The following ATP6V0A4 variants were observed in gnomAD, a reference collection of about 807,000 sequenced individuals.
ATP6V0A4 encodes V-type proton ATPase 116 kDa subunit a 4.
Under a neutral mutation model 107.3 loss-of-function variants are expected in ATP6V0A4, and 86 were observed. That is an observed-to-expected ratio of 0.80 (90% CI 0.67 to 0.96). ATP6V0A4 has a LOEUF of 0.96. Ranked by LOEUF, ATP6V0A4 falls within the 40% of genes least tolerant of loss-of-function variation. The probability of loss-of-function intolerance (pLI) is 0.00; values close to 1 mark genes in which losing one functional copy is unlikely to be tolerated. For synonymous variants in ATP6V0A4, 353 were observed against 381.4 expected (o/e 0.93, Z 0.87); for missense variants, 908 against 1,045.6 (o/e 0.87, Z 1.81).
intron 8 of ATP6V0A4, among the ~76,000 whole-genome samples, chr7:138,758,628 G>A (rs981027450): frequency 7.3e-5 from 11 of 151,260 alleles, no homozygotes; most frequent in African/African-American, 2.4e-4. Flanking sequence ...GAGCCCCCTT[G>A]AAGCCTTGTT....
At chr7:138,755,317 C>T (rs1007424575) in intron 10 of ATP6V0A4, among the ~76,000 whole-genome samples, 2 of 152,156 alleles carry the variant, frequency 1.3e-5, no homozygotes, top group African/African-American at 4.8e-5. Context: ...CCAGGCAATT[C>T]AGTGGGAAAA....
chr7:138,763,036 A>G lies in ATP6V0A4; in HGVS notation c.292-11T>C. ...TTTTTCTAGAACAGTCTATGCAGGA[A>G]GGAAAAAGAAGGTAAGCCAACAGAA... On this transcript the variant is annotated splice_polypyrimidine_tract_variant and intron_variant, in intron 5 of 21. Transcript: ENST00000310018. 2 of 1,614,044 alleles carry G rather than the reference A, an allele frequency of 1.2e-6. No homozygotes were observed. The highest frequency in any genetic ancestry group is 1.7e-6 in the Non-Finnish European group (2 of 1,179,998).
At chr7:138,744,121 G>T (rs780488838) in intron 14 of ATP6V0A4, among the ~76,000 whole-genome samples, 31 of 152,068 alleles carry the variant, frequency 2.0e-4, no homozygotes, top group Non-Finnish European at 4.0e-4. Context: ...GAGCTTCCAG[G>T]TCTCTCTATT....
intron 20 of ATP6V0A4, among the ~76,000 whole-genome samples, chr7:138,714,559 TAGAC>T (rs58118736): frequency 0.37 from 54,289 of 148,444 alleles, 9,953 homozygotes; most frequent in East Asian, 0.41. Flanking sequence ...GATAGATAGA[TAGAC>T]AGACAGACAG....
chr7:138,712,762 T>C (rs1332668414), intron 20 of ATP6V0A4, among the ~76,000 whole-genome samples: 1 of 149,304 alleles, frequency 6.7e-6, no homozygotes, highest in Non-Finnish European at 1.5e-5. Context: ...AGTGTGTGTA[T>C]GGGCTGGCCA....
Position 138,733,950 on chromosome 7 carries a change from G to A in ATP6V0A4, c.1691+186C>T, listed in dbSNP as rs765278136. Among the ~76,000 whole-genome samples, 3 of 152,174 alleles carry A rather than the reference G, an allele frequency of 2.0e-5. No homozygotes were observed. The South Asian group carries it at 6.2e-4, about 32-fold the overall frequency. ...TACCTTGGAGAGACTCTGCTCAGGA[G>A]AAACGGAGGTGCTGCCATTTCCAGC... On this transcript the variant is annotated intron_variant, in intron 16 of 21. Coordinates refer to ENST00000310018, the MANE Select transcript of ATP6V0A4 (RefSeq NM_020632.3).
chr7:138,763,994 G>GTA (rs1240631340), intron 5 of ATP6V0A4, among the ~76,000 whole-genome samples: 7 of 145,240 alleles, frequency 4.8e-5, no homozygotes, highest in African/African-American at 1.3e-4. Context: ...ATATATATAT[G>GTA]TATATATATA....
chr7:138,706,888 GAT>G, intron 21 of ATP6V0A4, 171 bp from the exon 22 acceptor site: 29 of 449,066 alleles, frequency 6.5e-5, no homozygotes, highest in Non-Finnish European at 7.5e-5. Flanking sequence ...GAATCCTGAG[GAT>G]TTTTTTTTTT....
At chr7:138,764,656 A>C (rs1164562243) in intron 5 of ATP6V0A4, among the ~76,000 whole-genome samples, 1 of 152,210 alleles carries the variant, frequency 6.6e-6, no homozygotes, top group Non-Finnish European at 1.5e-5. Context: ...GGAAGTAAAA[A>C]ACAAAAGGAA....
chr7:138,761,812 T>C (rs888958988), intron 7 of ATP6V0A4, among the ~76,000 whole-genome samples: 1 of 152,088 alleles, frequency 6.6e-6, no homozygotes, highest in Non-Finnish European at 1.5e-5. Flanking sequence ...CCTAAGTAAC[T>C]GGTATTACAG....
At position 138,739,591 on chromosome 7, in the gene ATP6V0A4, T is replaced by C. The variant is rs780900238; in HGVS notation, c.1521A>G (p.Pro507=). 1.2e-6 allele frequency: 2 copies of C among 1,614,178 alleles called. No homozygotes were observed. The highest frequency in any genetic ancestry group is 4.5e-5 in the East Asian group (2 of 44,886). The change falls in exon 15 of 22, where the codon CCA becomes CCG. Residue 507 remains proline, a synonymous_variant. Transcript: ENST00000310018. ...TTCCAAAATACACTCCTGGTATGGC[T>C]GGGTCCAGCTGCAGATATAGACTTT... The part of the protein sequence containing the change: ...MEESLYLQLD[P]AIPGVYFGNP...
intron 16 of ATP6V0A4, 22 bp downstream of exon 16, chr7:138,734,114 G>C (rs775830752): frequency 6.3e-7 from 1 of 1,595,534 alleles, no homozygotes; most frequent in South Asian, 1.1e-5. Context: ...AGAGCAGGCA[G>C]AGAGTGCATC....
At chr7:138,721,646 A>G (rs989863533) in intron 19 of ATP6V0A4, among the ~76,000 whole-genome samples, 17 of 152,202 alleles carry the variant, frequency 1.1e-4, no homozygotes, top group African/African-American at 3.9e-4. Context: ...CACCTGACAC[A>G]TACAGATGCA....
rs1477538519 is a variant in ATP6V0A4, at chr7:138,758,832, C to T, written c.639+920G>A. 2.1e-5 allele frequency among the ~76,000 whole-genome samples: 3 copies of T among 145,396 alleles called. No homozygotes were observed. The Admixed American group carries it at 2.1e-4, about 10-fold the overall frequency. On this transcript the variant is annotated intron_variant, in intron 8 of 21. Coordinates refer to ENST00000310018, the MANE Select transcript of ATP6V0A4 (RefSeq NM_020632.3). The stretch of plus-strand genomic sequence containing the variant: ...GTGGCACAATCTCAGCTCACTGCAA[C>T]CTCCGCCTCTTGGGTACCAGTGATT...
In ATP6V0A4 at chr7:138,755,938, C is replaced by T. The variant is rs1806491350; in HGVS notation, c.723-156G>A. ...TGGCCACTGGAAAAGGAGTCCCAGT[C>T]ATAAGGGTTCCCAGTACGTCACTTG... On this transcript the variant is annotated intron_variant, in intron 9 of 21. Transcript: ENST00000310018. 4.4e-6 allele frequency: 6 copies of T among 1,356,800 alleles called. No homozygotes were observed. The African/African-American group carries it at 5.7e-5, about 13-fold the overall frequency. 84.0% of individuals were successfully genotyped at this position (1,356,800 alleles called of 1,614,324 possible).
In ATP6V0A4 at chr7:138,726,271, G is replaced by A. The variant is rs555135501; in HGVS notation, c.2010+2490C>T. 2.1e-3 allele frequency among the ~76,000 whole-genome samples: 326 copies of A among 152,376 alleles called. 2 individuals are homozygous for A. Among genetic ancestry groups the A allele is most frequent in the Non-Finnish European group, 2.2e-3 (152 of 68,040 alleles). On this transcript the variant is annotated intron_variant, in intron 18 of 21. Coordinates refer to ENST00000310018, the MANE Select transcript of ATP6V0A4 (RefSeq NM_020632.3). ...CCCAAAGTGCTGGGATTACAGGCGT[G>A]AGCCACCGTGCCCGGCCGAAGATTT...
intron 13 of ATP6V0A4, among the ~76,000 whole-genome samples, chr7:138,746,451 C>G (rs1805954352): frequency 6.6e-6 from 1 of 152,048 alleles, no homozygotes; most frequent in Admixed American, 6.6e-5. Flanking sequence ...GCTCACTAAC[C>G]TCGACATCGC....
At chr7:138,720,430 G>A (rs1302070342) in intron 19 of ATP6V0A4, among the ~76,000 whole-genome samples, 3 of 152,104 alleles carry the variant, frequency 2.0e-5, no homozygotes, top group African/African-American at 7.2e-5. Flanking sequence ...TATAGATTGA[G>A]GGCAGGAGGA....
chr7:138,742,413 C>T (rs756970109), intron 14 of ATP6V0A4, among the ~76,000 whole-genome samples: 4 of 151,936 alleles, frequency 2.6e-5, no homozygotes, highest in Admixed American at 6.6e-5. Context: ...GGCCACAGAA[C>T]GAGACTCCAC....
Sources: allele counts gnomAD v4.1 joint callset (sites outside exome capture counted in the v4.1 genomes callset), GRCh38; gene constraint gnomAD v4.1.1; transcripts MANE v1.5; gene names NCBI Gene and HGNC (gene_info 2026-07-23, HGNC 2026-07-21).